CEP350: variants seen among roughly 807,000 people sequenced by gnomAD.
CEP350 encodes centrosomal protein 350.
A neutral mutation model predicts 331.8 loss-of-function variants in CEP350; 126 were observed. That is an observed-to-expected ratio of 0.38 (90% confidence interval 0.33 to 0.44). CEP350 has a LOEUF of 0.44. Among genes scored for constraint, CEP350 ranks in the 20% least tolerant of loss-of-function variants. The pLI is 1.00. For missense variants in CEP350, 3,406 were observed against 3,634.6 expected (o/e 0.94, Z 1.62); for synonymous variants, 1,200 against 1,259.5 (o/e 0.95, Z 1.00).
At chr1:179,985,763 G>T (rs1235213273) in intron 1 of CEP350, among the ~76,000 whole-genome samples, 6 of 97,246 alleles carry the variant, frequency 6.2e-5, no homozygotes, top group Non-Finnish European at 1.6e-4. Flanking sequence ...AGGGGAAACT[G>T]CCCCCCTGAT....
intron 11 of CEP350, among the ~76,000 whole-genome samples, chr1:180,016,730 T>C (rs1362751016): frequency 1.3e-5 from 2 of 150,594 alleles, no homozygotes; most frequent in African/African-American, 4.9e-5. Flanking sequence ...GGCACAGTCT[T>C]GGTTCACTGC....
intron 11 of CEP350, among the ~76,000 whole-genome samples, chr1:180,019,188 A>G (rs1292009207): frequency 6.6e-6 from 1 of 152,190 alleles, no homozygotes; most frequent in African/African-American, 2.4e-5. Context: ...AATAGTTGAC[A>G]TCATCCTGTA....
intron 1 of CEP350, among the ~76,000 whole-genome samples, chr1:179,975,196 G>C (rs1023658649): frequency 1.3e-5 from 2 of 152,032 alleles, no homozygotes; most frequent in Non-Finnish European, 2.9e-5. Context: ...TGGATATTCA[G>C]AAAGTGTACT....
chr1:180,109,364 C>T (rs1393390631), intron 37 of CEP350, among the ~76,000 whole-genome samples: 1 of 152,078 alleles, frequency 6.6e-6, no homozygotes, highest in Non-Finnish European at 1.5e-5. Flanking sequence ...GTGATCCACC[C>T]GTCTCCGCCT....
intron 4 of CEP350, 61 bp downstream of exon 4, chr1:179,990,682 A>T (rs1652989374): frequency 2.2e-6 from 2 of 918,948 alleles, no homozygotes; most frequent in Non-Finnish European, 3.3e-6. Flanking sequence ...GACAAAACAG[A>T]CAGCTAGATC....
chr1:180,110,743 G>GTAATATATA (rs1661427011), intron 37 of CEP350, among the ~76,000 whole-genome samples: 1 of 151,962 alleles, frequency 6.6e-6, no homozygotes, highest in Non-Finnish European at 1.5e-5. Flanking sequence ...CAACATACTG[G>GTAATATATA]TAATCTTTAA....
intron 1 of CEP350, among the ~76,000 whole-genome samples, chr1:179,956,708 C>T (rs558860012): frequency 6.6e-6 from 1 of 152,228 alleles, no homozygotes; most frequent in African/African-American, 2.4e-5. Flanking sequence ...TCTAAAATAA[C>T]TGACATCAGT....
chr1:180,079,391 T>C (rs947953286), intron 29 of CEP350, among the ~76,000 whole-genome samples: 1 of 151,980 alleles, frequency 6.6e-6, no homozygotes, highest in Middle Eastern at 3.2e-3. Context: ...ATTTTTATTG[T>C]GATAGAAAGA....
At chr1:180,073,362 A>G (rs1659019001) in intron 27 of CEP350, among the ~76,000 whole-genome samples, 5 of 152,202 alleles carry the variant, frequency 3.3e-5, no homozygotes, top group Admixed American at 3.3e-4. Flanking sequence ...TTTAAAATAC[A>G]TGATGAGGTA....
chr1:180,015,996 T>A, intron 11 of CEP350, 26 bp downstream of exon 11: 1 of 1,609,116 alleles, frequency 6.2e-7, no homozygotes, highest in Non-Finnish European at 8.5e-7. Context: ...TGAAAGATGA[T>A]TAAGATTCTT....
chr1:180,076,133 A>G (rs1481678685), intron 28 of CEP350, among the ~76,000 whole-genome samples: 1 of 152,110 alleles, frequency 6.6e-6, no homozygotes, highest in Non-Finnish European at 1.5e-5. Flanking sequence ...ATCTTTTTAC[A>G]TAGACCTCAT....
chr1:180,036,922 C>A lies in CEP350; in HGVS notation c.3947-4C>A. On this transcript the variant is annotated splice_region_variant and splice_polypyrimidine_tract_variant and intron_variant, in intron 16 of 37. Transcript: ENST00000367607. The stretch of plus-strand genomic sequence containing the variant: ...TTCCATTTGACCATTGTCATGCCTT[C>A]CAGGTTCTAAGCGCTTTTCTCCTGC... 6.5e-7 allele frequency: 1 copy of A among 1,541,374 alleles called. No individual in the cohort carries two copies. Among genetic ancestry groups the A allele is most frequent in the Non-Finnish European group, 8.7e-7 (1 of 1,145,592 alleles).
chr1:179,955,369 T>A (rs1281784412), intron 1 of CEP350, among the ~76,000 whole-genome samples: 2 of 152,130 alleles, frequency 1.3e-5, no homozygotes, highest in Admixed American at 1.3e-4. Flanking sequence ...TTTCCTTCCT[T>A]ACGTGCCAGT....
rs1301793081 is a variant in CEP350 at position 179,954,963 on chromosome 1, C to T, written c.-193C>T. Reference sequence around the variant, plus strand: ...AGGGGAGGCAGCCTTTCCGCCTTGTCTTCCTTCCCAGCGGACCGGCGGATC... The same window carrying T: ...AGGGGAGGCAGCCTTTCCGCCTTGTTTTCCTTCCCAGCGGACCGGCGGATC... On this transcript the variant is annotated 5_prime_UTR_variant, in exon 1 of 38. Coordinates refer to ENST00000367607, the MANE Select transcript of CEP350 (RefSeq NM_014810.5). The T allele has an allele frequency of 1.9e-5, 22 of 1,165,126 alleles. No homozygotes were observed. Among genetic ancestry groups the T allele is most frequent in the Non-Finnish European group, 2.4e-5 (22 of 898,052 alleles). 72.2% of individuals were successfully genotyped at this position (1,165,126 alleles called of 1,614,324 possible). A position where few individuals can be genotyped will look rare whatever the true frequency, so the allele number is the denominator to read the frequency against.
At chr1:180,010,216 A>C (rs1004699934) in intron 8 of CEP350, among the ~76,000 whole-genome samples, 1 of 152,126 alleles carries the variant, frequency 6.6e-6, no homozygotes, top group African/African-American at 2.4e-5. Flanking sequence ...ATTCTAGTAG[A>C]AATAGTAACT....
At chr1:179,962,969 C>A (rs116447895) in intron 1 of CEP350, among the ~76,000 whole-genome samples, 2,038 of 152,216 alleles carry the variant, frequency 0.013, 59 homozygotes, top group African/African-American at 0.046. Flanking sequence ...GCATCCTTGT[C>A]ATCTGTTATT....
chr1:180,008,526 T>C (rs1396292739), intron 8 of CEP350, among the ~76,000 whole-genome samples: 2 of 152,216 alleles, frequency 1.3e-5, no homozygotes, highest in Admixed American at 1.3e-4. Context: ...CATATTCTTC[T>C]CAGTAAGTAA....
At chr1:180,035,207 A>G (rs528256659) in intron 16 of CEP350, among the ~76,000 whole-genome samples, 13 of 152,316 alleles carry the variant, frequency 8.5e-5, no homozygotes, top group African/African-American at 2.4e-4. Flanking sequence ...GGAAACTGCA[A>G]AAGAAAAGTT....
intron 14 of CEP350, among the ~76,000 whole-genome samples, chr1:180,027,813 A>C (rs896551588): frequency 2.6e-5 from 4 of 152,164 alleles, no homozygotes; most frequent in African/African-American, 9.7e-5. Flanking sequence ...ACCTTTATGC[A>C]TTAGTCTGTT....
Sources: allele counts gnomAD v4.1 joint callset (sites outside exome capture counted in the v4.1 genomes callset), GRCh38; gene constraint gnomAD v4.1.1; transcripts MANE v1.5; gene names NCBI Gene and HGNC (gene_info 2026-07-23, HGNC 2026-07-21).